CLPP: variants seen among roughly 807,000 people sequenced by gnomAD.
CLPP encodes the protein ATP-dependent Clp protease proteolytic subunit, mitochondrial.
Under a neutral mutation model 27.4 loss-of-function variants are expected in CLPP, and 14 were observed. That is an observed-to-expected ratio of 0.51 (90% CI 0.34 to 0.80). The LOEUF (loss-of-function observed/expected upper bound fraction) is 0.80. CLPP is among the 30% of genes least tolerant of loss of function. The pLI, the probability that CLPP is intolerant of heterozygous loss-of-function variation, is 0.02. For missense variants in CLPP, 361 were observed against 403.6 expected (o/e 0.89, Z 0.90); for synonymous variants, 193 against 166.6 (o/e 1.16, Z -1.22).
At position 6,368,882 on chromosome 19, in the gene CLPP, A is replaced by C. The variant is rs773779088; in HGVS notation, c.*172A>C. ...TTCCAGCTGAGACACTGTGATTTTA[A>C]ATTAAATCTTTGTGGTCTTTGCTCT... On this transcript the variant is annotated 3_prime_UTR_variant, in exon 6 of 6. Coordinates refer to ENST00000245816, the MANE Select transcript of CLPP (RefSeq NM_006012.4). The C allele has an allele frequency of 1.5e-5, 9 of 619,204 alleles. No homozygotes were observed. The highest frequency in any genetic ancestry group is 2.2e-5 in the Non-Finnish European group (8 of 356,004). 38.4% of individuals were successfully genotyped at this position (619,204 alleles called of 1,614,324 possible). A position where few individuals can be genotyped will look rare whatever the true frequency, so the allele number is the denominator to read the frequency against.
At chr19:6,365,129 C>T (rs904003205) in intron 4 of CLPP, 4 of 150,680 alleles carry the variant, frequency 2.7e-5, no homozygotes, top group African/African-American at 9.8e-5. Flanking sequence ...CACGTGAGCT[C>T]AGGAGTTCGA....
At position 6,366,593 on chromosome 19, in the gene CLPP, G is replaced by A. The variant is rs972371204; in HGVS notation, c.661+230G>A. 6.6e-5 allele frequency among the ~76,000 whole-genome samples: 10 copies of A among 152,214 alleles called. No homozygotes were observed. In the East Asian group the frequency reaches 1.6e-3, roughly 24 times the overall value. On this transcript the variant is annotated intron_variant, in intron 5 of 5. Transcript: ENST00000245816. ...AGTTACTCGGGAGGCTGAGGCAGGA[G>A]AATCTGTGGAATATGAGAGTTTGAG...
Position 6,361,554 on chromosome 19 carries a change from C to A in CLPP, c.-21C>A. 7.2e-7 allele frequency: 1 copy of A among 1,386,986 alleles called. No homozygotes were observed. 85.9% of individuals were successfully genotyped at this position (1,386,986 alleles called of 1,614,324 possible). On this transcript the variant is annotated 5_prime_UTR_variant, in exon 1 of 6. Coordinates refer to ENST00000245816, the MANE Select transcript of CLPP (RefSeq NM_006012.4). Reference sequence around the variant, plus strand: ...CTGTAGTTCCGCCATCGGACGGAAGCCGACCGGGGCGTGCGGAGGGATGTG... The same window carrying A: ...CTGTAGTTCCGCCATCGGACGGAAGACGACCGGGGCGTGCGGAGGGATGTG...
chr19:6,368,077 A>C (rs556687871), intron 5 of CLPP, among the ~76,000 whole-genome samples: 1 of 152,236 alleles, frequency 6.6e-6, no homozygotes, highest in South Asian at 2.1e-4. Flanking sequence ...TATTTTACTG[A>C]TACCTAGGGG....
chr19:6,362,510 A>G lies in CLPP; in HGVS notation c.335A>G (p.Lys112Arg), dbSNP rs745347110. Residue 112 changes from lysine to arginine, a missense_variant, in exon 3 of 6, where the codon AAG becomes AGG. Lys to Arg is a conservative substitution (Grantham distance 26). This residue lies in a region of CLPP where 213 missense variants were observed against 280.9 expected (regional missense o/e 0.76). Transcript: ENST00000245816. ...CTCTTCCTGCAATCCGAGAGCAACA[A>G]GAAGCCCATCCACATGTACATCAAC... ...QLLFLQSESN[K>R]KPIHMYINSP... 3 of 1,614,036 alleles carry G rather than the reference A, an allele frequency of 1.9e-6. No homozygotes were observed. The highest frequency in any genetic ancestry group is 2.5e-6 in the Non-Finnish European group (3 of 1,179,932).
In CLPP at chr19:6,365,450, G is replaced by A. The variant is rs143714010; in HGVS notation, c.556-808G>A. 3.6e-3 allele frequency among the ~76,000 whole-genome samples: 550 copies of A among 152,242 alleles called. 4 individuals carry two copies. Among genetic ancestry groups the A allele is most frequent in the African/African-American group, 0.013 (523 of 41,550 alleles). ...GATTGCGCCACTGCACTCAAGCCTG[G>A]ATGACAGAGCAAGACTCTGTCTCAA... On this transcript the variant is annotated intron_variant, in intron 4 of 5. Transcript: ENST00000245816.
rs7251613 is a variant in CLPP at position 6,368,375 on chromosome 19, T to C, written c.662-163T>C. ...CCCTGACCCCATCTCTCCTAATGACTTCCCAAGGACCCCATCTCCAAATCC... is the reference window on the plus strand; with the variant it reads ...CCCTGACCCCATCTCTCCTAATGACCTCCCAAGGACCCCATCTCCAAATCC... On this transcript the variant is annotated intron_variant, in intron 5 of 5. Transcript: ENST00000245816. Among the ~76,000 whole-genome samples the C allele has an allele frequency of 0.33, 50,471 of 151,864 alleles. 14,197 individuals carry two copies. The highest frequency in any genetic ancestry group is 0.77 in the African/African-American group (31,784 of 41,398).
chr19:6,364,322 G>A (rs2091850772), intron 3 of CLPP, 130 bp from the exon 4 acceptor site: 5 of 825,938 alleles, frequency 6.1e-6, no homozygotes, highest in South Asian at 1.7e-5. Flanking sequence ...GAGCCACAGC[G>A]CCCAGTCATA....
intron 5 of CLPP, among the ~76,000 whole-genome samples, chr19:6,366,909 G>A (rs1250876527): frequency 1.3e-5 from 2 of 151,724 alleles, no homozygotes; most frequent in Non-Finnish European, 2.9e-5. Context: ...GGGATTACAA[G>A]TGTGAGCCAC....
chr19:6,364,567 C>T lies in CLPP; in HGVS notation c.483C>T (p.Ala161=), dbSNP rs144772149. The change falls in exon 4 of 6, where the codon GCC becomes GCT. Residue 161 remains alanine, a synonymous_variant. Transcript: ENST00000245816. ...AASMGSLLLA[A]GTPGMRHSLP... is the part of the protein sequence containing the mutation. The stretch of plus-strand genomic sequence containing the variant: ...GCATGGGCTCCCTGCTTCTCGCCGC[C>T]GGCACCCCAGGCATGCGCCACTCGC... 1.7e-5 allele frequency: 27 copies of T among 1,613,014 alleles called. No individual in the cohort carries two copies. The highest frequency in any genetic ancestry group is 7.7e-5 in the South Asian group (7 of 91,054).
In CLPP at chr19:6,361,582, C is replaced by T. The variant is rs1347021990; in HGVS notation, c.8C>T (p.Pro3Leu). The change falls in exon 1 of 6, where the codon CCC (proline) becomes CTC (leucine). Residue 3 changes from proline (P) to leucine (L), a missense_variant. Physicochemically the swap from Pro to Leu is moderately conservative, Grantham distance 98. Transcript: ENST00000245816. MW[P>L]GILVGGARVA... is the part of the protein sequence containing the mutation. ...ACCGGGGCGTGCGGAGGGATGTGGCCCGGAATATTGGTAGGGGGGGCCCGG... is the reference window on the plus strand; with the variant it reads ...ACCGGGGCGTGCGGAGGGATGTGGCTCGGAATATTGGTAGGGGGGGCCCGG... The T allele has an allele frequency of 1.4e-6, 2 of 1,409,354 alleles. No homozygotes were observed. Among genetic ancestry groups the T allele is most frequent in the Non-Finnish European group, 1.9e-6 (2 of 1,079,192 alleles). The allele number at this position is 1,409,354 out of a possible 1,614,324, so 87.3% of individuals were successfully genotyped here. A position where few individuals can be genotyped will look rare whatever the true frequency, so the allele number is the denominator to read the frequency against.
At chr19:6,363,887 A>G (rs1282937689) in intron 3 of CLPP, among the ~76,000 whole-genome samples, 2 of 141,376 alleles carry the variant, frequency 1.4e-5, no homozygotes, top group East Asian at 2.4e-4. Context: ...AGTGAGACTC[A>G]GTCTCAAAAA....
At position 6,368,800 on chromosome 19, in the gene CLPP, T is replaced by C; in HGVS notation, c.*90T>C. On this transcript the variant is annotated 3_prime_UTR_variant, in exon 6 of 6. Transcript: ENST00000245816. Reference sequence around the variant, plus strand: ...CCTGCTCACCCCTTGTTGCTGGGCTTGGAGGGGCCTCTTGAGGAACTTTTA... The same window carrying C: ...CCTGCTCACCCCTTGTTGCTGGGCTCGGAGGGGCCTCTTGAGGAACTTTTA... 1 of 1,257,080 alleles carries C rather than the reference T, an allele frequency of 8.0e-7. No homozygotes were observed. The highest frequency in any genetic ancestry group is 1.1e-6 in the Non-Finnish European group (1 of 919,426). The allele number at this position is 1,257,080 out of a possible 1,614,324, so 77.9% of individuals were successfully genotyped here.
chr19:6,361,714 G>T lies in CLPP; in HGVS notation c.140G>T (p.Cys47Phe), dbSNP rs1231183568. Residue 47 changes from cysteine to phenylalanine, a missense_variant, in exon 1 of 6, where the codon TGC (cysteine) becomes TTC (phenylalanine). Cys to Phe is a radical substitution (Grantham distance 205). Transcript: ENST00000245816. ...TLQNGLALQR[C>F]LHATATRALP... ...CAGAACGGCCTGGCCCTGCAGCGGT[G>T]CCTGCACGCGACGGCGACCCGGGCT... 2 of 1,505,308 alleles carry T rather than the reference G, an allele frequency of 1.3e-6. No homozygotes were observed. The highest frequency in any genetic ancestry group is 4.9e-5 in the East Asian group (2 of 40,608). 93.2% of individuals were successfully genotyped at this position (1,505,308 alleles called of 1,614,324 possible).
rs760227258 is a variant in CLPP at position 6,366,270 on chromosome 19, G to C, written c.568G>C (p.Asp190His). 1 of 1,611,394 alleles carries C rather than the reference G, an allele frequency of 6.2e-7. No homozygotes were observed. Among genetic ancestry groups the C allele is most frequent in the Non-Finnish European group, 8.5e-7 (1 of 1,178,668 alleles). The part of the protein sequence containing the change: ...PSGGARGQAT[D>H]IAIQAEEIMK... ...GGACGTCCCTCAGGGCCAAGCCACA[G>C]ACATTGCCATCCAGGCAGAGGAGAT... The change falls in exon 5 of 6, where the codon GAC (aspartate) becomes CAC (histidine). Residue 190 changes from aspartate (D) to histidine (H), a missense_variant. Coordinates refer to ENST00000245816, the MANE Select transcript of CLPP (RefSeq NM_006012.4).
At position 6,361,672 on chromosome 19, in the gene CLPP, C is replaced by G; in HGVS notation, c.98C>G (p.Pro33Arg). The change falls in exon 1 of 6, where the codon CCG (proline) becomes CGG (arginine). Residue 33 changes from proline to arginine, a missense_variant. Transcript: ENST00000245816. Reference protein sequence around the residue: ...RLAAHFPAQRPPQRTLQNGLA... With the variant: ...RLAAHFPAQRRPQRTLQNGLA... Reference sequence around the variant, plus strand: ...GCCGCTCACTTTCCAGCGCAGCGGCCGCCGCAGCGGACACTCCAGAACGGC... The same window carrying G: ...GCCGCTCACTTTCCAGCGCAGCGGCGGCCGCAGCGGACACTCCAGAACGGC... The G allele has an allele frequency of 7.0e-7, 1 of 1,436,248 alleles. No individual in the cohort carries two copies. The highest frequency in any genetic ancestry group is 9.1e-7 in the Non-Finnish European group (1 of 1,096,646). The allele number at this position is 1,436,248 out of a possible 1,614,324, so 89.0% of individuals were successfully genotyped here.
rs1166371976 is a variant in CLPP, at chr19:6,364,516, C to T, written c.432C>T (p.Cys144=). The T allele has an allele frequency of 6.2e-7, 1 of 1,612,522 alleles. No homozygotes were observed. Among genetic ancestry groups the T allele is most frequent in the Non-Finnish European group, 8.5e-7 (1 of 1,179,742 alleles). ...TGCAGTACATCCTCAACCCGATCTG[C>T]ACCTGGTGCGTGGGCCAGGCCGCCA... ...DTMQYILNPI[C]TWCVGQAASM... The change falls in exon 4 of 6, where the codon TGC becomes TGT. Residue 144 remains cysteine (C), a synonymous_variant. Transcript: ENST00000245816.
In CLPP at chr19:6,362,654, G is replaced by C. The variant is rs901221334; in HGVS notation, c.367+112G>C. On this transcript the variant is annotated intron_variant, in intron 3 of 5. Transcript: ENST00000245816. ...CTCTCTCTGGGAAAGGGTGCAGAGC[G>C]TCAGAGTTCCAGAAGTGGCTTTAAA... The C allele has an allele frequency of 1.3e-5, 10 of 769,178 alleles. No homozygotes were observed. In the Admixed American group the frequency reaches 2.3e-4, roughly 18 times the overall value. The allele number at this position is 769,178 out of a possible 1,614,324, so 47.6% of individuals were successfully genotyped here.
chr19:6,366,483 G>A, intron 5 of CLPP, 120 bp downstream of exon 5: 1 of 673,206 alleles, frequency 1.5e-6, no homozygotes, highest in South Asian at 1.8e-5. Flanking sequence ...CTCTGGGATG[G>A]GGGGACCATC....
Sources: allele counts gnomAD v4.1 joint callset (sites outside exome capture counted in the v4.1 genomes callset), GRCh38; gene constraint gnomAD v4.1.1; regional missense constraint gnomAD v4.1.1; transcripts MANE v1.5; gene names NCBI Gene and HGNC (gene_info 2026-07-23, HGNC 2026-07-21).